ZNF385D: variants seen among roughly 807,000 people sequenced by gnomAD.
The protein encoded by ZNF385D is zinc finger protein 659.
In ZNF385D, 15 loss-of-function variants were observed where a neutral mutation model predicts 35.8. The ratio of observed to expected loss-of-function variants is 0.42; its 90% CI spans 0.28 to 0.64. The LOEUF is 0.64. ZNF385D is among the 30% of genes least tolerant of loss of function. The pLI, the probability that ZNF385D is intolerant of heterozygous loss-of-function variation, is 0.23. For missense variants in ZNF385D, 474 were observed against 494.6 expected (o/e 0.96, Z 0.39); for synonymous variants, 212 against 186.8 (o/e 1.13, Z -1.10).
At chr3:22,020,014 T>G (rs895770826) in intron 3 of ZNF385D, among the ~76,000 whole-genome samples, 29 of 151,902 alleles carry the variant, frequency 1.9e-4, no homozygotes, top group African/African-American at 7.0e-4. Context: ...ATGCTTTGTT[T>G]TAATAATTAA....
chr3:21,801,282 A>G (rs1158109600), intron 3 of ZNF385D, among the ~76,000 whole-genome samples: 2 of 152,130 alleles, frequency 1.3e-5, no homozygotes, highest in African/African-American at 2.4e-5. Context: ...ATTAGTCTAT[A>G]GTTTTCTTTT....
chr3:22,300,352 G>A (rs758187447), intron 2 of ZNF385D, among the ~76,000 whole-genome samples: 3 of 150,480 alleles, frequency 2.0e-5, no homozygotes, highest in Non-Finnish European at 4.4e-5. Flanking sequence ...AGAAAACAGG[G>A]GTACAATTTC....
At chr3:22,267,310 T>A (rs1046028817) in intron 2 of ZNF385D, among the ~76,000 whole-genome samples, 1 of 151,936 alleles carries the variant, frequency 6.6e-6, no homozygotes, top group Non-Finnish European at 1.5e-5. Flanking sequence ...TCCTTCCTTG[T>A]CATAACCTAA....
At chr3:21,937,871 A>G (rs2125264804) in intron 3 of ZNF385D, among the ~76,000 whole-genome samples, 1 of 152,368 alleles carries the variant, frequency 6.6e-6, no homozygotes, top group East Asian at 1.9e-4. Context: ...CCTCTATAAC[A>G]TAAGCGTATT....
chr3:21,839,468 A>G (rs561545245), intron 3 of ZNF385D, among the ~76,000 whole-genome samples: 26 of 152,194 alleles, frequency 1.7e-4, no homozygotes, highest in Middle Eastern at 3.4e-3. Context: ...AACTATGTCC[A>G]GTTCCAAGGT....
At chr3:21,443,005 A>G (rs1166304086) in intron 4 of ZNF385D, among the ~76,000 whole-genome samples, 1 of 151,860 alleles carries the variant, frequency 6.6e-6, no homozygotes, top group East Asian at 1.9e-4. Context: ...GCCACCCCAA[A>G]TCACAAAAAT....
chr3:21,436,535 AT>A (rs1272639534), intron 5 of ZNF385D, among the ~76,000 whole-genome samples: 3 of 152,124 alleles, frequency 2.0e-5, no homozygotes. Flanking sequence ...AAATAACATT[AT>A]TTTTTTCATA....
At chr3:21,960,512 G>C (rs1702530571) in intron 3 of ZNF385D, among the ~76,000 whole-genome samples, 2 of 152,078 alleles carry the variant, frequency 1.3e-5, no homozygotes, top group South Asian at 4.1e-4. Flanking sequence ...ACAGCCATTA[G>C]GGAAAACAGT....
chr3:22,076,082 G>A (rs985511562), intron 3 of ZNF385D, among the ~76,000 whole-genome samples: 2 of 151,634 alleles, frequency 1.3e-5, no homozygotes, highest in South Asian at 2.1e-4. Context: ...TTTTTTTTAC[G>A]TAGACTATCA....
At chr3:22,260,339 G>A (rs1208135231) in intron 2 of ZNF385D, among the ~76,000 whole-genome samples, 1 of 151,852 alleles carries the variant, frequency 6.6e-6, no homozygotes, top group East Asian at 2.0e-4. Flanking sequence ...ACACACCAGG[G>A]CCTGTTGGCA....
At chr3:22,284,568 G>C (rs1701931997) in intron 2 of ZNF385D, among the ~76,000 whole-genome samples, 1 of 151,842 alleles carries the variant, frequency 6.6e-6, no homozygotes, top group Admixed American at 6.6e-5. Flanking sequence ...GGACCACAGA[G>C]AAGAGTAATG....
chr3:21,571,374 C>T (rs1370426102), intron 2 of ZNF385D, among the ~76,000 whole-genome samples: 4 of 152,098 alleles, frequency 2.6e-5, no homozygotes, highest in African/African-American at 7.2e-5. Flanking sequence ...GGGTTGCTTT[C>T]CATGTTAATC....
At chr3:22,064,721 A>C (rs1699844097) in intron 3 of ZNF385D, among the ~76,000 whole-genome samples, 1 of 152,186 alleles carries the variant, frequency 6.6e-6, no homozygotes, top group East Asian at 1.9e-4. Context: ...TCACGTATAC[A>C]TGGAACCTGA....
At chr3:21,767,307 T>C (rs1184012961) in intron 3 of ZNF385D, among the ~76,000 whole-genome samples, 1 of 151,918 alleles carries the variant, frequency 6.6e-6, no homozygotes, top group African/African-American at 2.4e-5. Flanking sequence ...GCCACTTGTC[T>C]TTGACAAATT....
chr3:21,704,790 G>T (rs991810051), intron 1 of ZNF385D, among the ~76,000 whole-genome samples: 22 of 152,222 alleles, frequency 1.4e-4, no homozygotes, highest in African/African-American at 5.3e-4. Flanking sequence ...ACACATAGTA[G>T]GTCCTAAATA....
chr3:21,743,709 A>AC (rs1351948184), intron 1 of ZNF385D, among the ~76,000 whole-genome samples: 5 of 152,062 alleles, frequency 3.3e-5, no homozygotes, highest in Non-Finnish European at 5.9e-5. Context: ...CACAGGCCCC[A>AC]CCTCCATACT....
chr3:21,526,252 T>C lies in ZNF385D; in HGVS notation c.277-15229A>G, dbSNP rs79651823. ...ATTGTAGAGTGCCTGTTCCTTAAAG[T>C]TGTTTATCTGTAGTTGTGTTTTCAC... On this transcript the variant is annotated intron_variant, in intron 3 of 7. Coordinates refer to ENST00000281523, the MANE Select transcript of ZNF385D (RefSeq NM_024697.3). Among the ~76,000 whole-genome samples, 274 of 152,108 alleles carry C rather than the reference T, an allele frequency of 1.8e-3. 1 individual carries two copies. Among genetic ancestry groups the C allele is most frequent in the African/African-American group, 6.4e-3 (265 of 41,502 alleles).
intron 3 of ZNF385D, among the ~76,000 whole-genome samples, chr3:22,083,211 C>T (rs1331520014): frequency 2.0e-5 from 3 of 152,184 alleles, no homozygotes; most frequent in Admixed American, 2.0e-4. Context: ...AGCAATGGAA[C>T]AAAGCTGGAC....
intron 3 of ZNF385D, among the ~76,000 whole-genome samples, chr3:22,040,046 C>T (rs957658741): frequency 6.6e-6 from 1 of 152,132 alleles, no homozygotes; most frequent in South Asian, 2.1e-4. Flanking sequence ...GCCATGCATT[C>T]GTACTAACGG....
Sources: gnomAD v4.1 joint callset for allele counts (sites outside exome capture counted in the v4.1 genomes callset) on GRCh38, gnomAD v4.1.1 for gene constraint, MANE v1.5 for transcripts, NCBI Gene and HGNC (gene_info 2026-07-23, HGNC 2026-07-21) for gene names.